TUFM: variants seen among roughly 807,000 people sequenced by gnomAD.
The protein encoded by TUFM is Tu translation elongation factor, mitochondrial.
Under a neutral mutation model 45.0 loss-of-function variants are expected in TUFM, and 23 were observed. The observed-to-expected ratio is 0.51, with a 90% confidence interval of 0.37 to 0.72. The LOEUF is 0.72. Ranked by LOEUF, TUFM falls within the 30% of genes least tolerant of loss-of-function variation. The probability of loss-of-function intolerance (pLI) is 0.00; values close to 1 mark genes in which losing one functional copy is unlikely to be tolerated. For missense variants in TUFM, 490 were observed against 610.7 expected (o/e 0.80, Z 2.08); for synonymous variants, 243 against 252.9 (o/e 0.96, Z 0.37).
chr16:28,843,061 G>A lies in TUFM; in HGVS notation c.1282C>T (p.Arg428Ter), dbSNP rs1231538511. 2.5e-6 allele frequency: 4 copies of A among 1,614,076 alleles called. No homozygotes were observed. The highest frequency in any genetic ancestry group is 3.4e-6 in the Non-Finnish European group (4 of 1,180,036). ...ILEKGQRFTL[R>*]DGNRTIGTGL... ...GTGCCAATAGTCCGGTTGCCATCTC[G>A]CAGGGTGAAACGCTGGCCTTTCTCT... is the stretch of plus-strand genomic sequence containing the variant. Residue 428 changes from arginine (R) to a stop codon, truncating the protein, a stop_gained, in exon 10 of 10, where the codon CGA (arginine) becomes TGA (stop). Transcript: ENST00000313511. LOFTEE classifies it high-confidence loss of function.
intron 2 of TUFM, 23 bp downstream of exon 2, chr16:28,845,889 C>A (rs1488616955): frequency 6.2e-7 from 1 of 1,612,630 alleles, no homozygotes; most frequent in Admixed American, 1.7e-5. Flanking sequence ...TAGGGCGCTG[C>A]TGGACGCCCC....
Position 28,844,774 on chromosome 16 carries a change from C to T in TUFM, c.608G>A (p.Arg203Gln), listed in dbSNP as rs776178334. ...ATAGCCAAACTCGGTGAGCAGCTCCCGGATCTCCAGTTCCACCAGTTCCAC... is the reference window on the plus strand; with the variant it reads ...ATAGCCAAACTCGGTGAGCAGCTCCTGGATCTCCAGTTCCACCAGTTCCAC... ...EMVELVELEI[R>Q]ELLTEFGYKG... Residue 203 changes from arginine (R) to glutamine (Q), a missense_variant, in exon 5 of 10, where the codon CGG becomes CAG. Transcript: ENST00000313511. This position sits in a 1 kb window ranked among gnomAD's most constrained non-coding sequence, Gnocchi z 5.8. 9.3e-6 allele frequency: 15 copies of T among 1,614,068 alleles called. No individual in the cohort carries two copies. The highest frequency in any genetic ancestry group is 8.3e-5 in the Admixed American group (5 of 60,002).
At position 28,844,105 on chromosome 16, in the gene TUFM, G is replaced by C. The variant is rs879238490; in HGVS notation, c.923-4C>G. 2 of 1,614,180 alleles carry C rather than the reference G, an allele frequency of 1.2e-6. No individual in the cohort carries two copies. The highest frequency in any genetic ancestry group is 1.7e-6 in the Non-Finnish European group (2 of 1,180,036). ...CTCTTGTGGAACATCTCAATGCCTA[G>C]GACGGAAAGGGAAAAGGAGCAGGGA... On this transcript the variant is annotated splice_region_variant and splice_polypyrimidine_tract_variant and intron_variant, in intron 7 of 9. Transcript: ENST00000313511. The surrounding 1 kb of genome is among the most constrained non-coding windows in gnomAD (Gnocchi z 5.8).
Position 28,843,827 on chromosome 16 carries a change from C to A in TUFM, c.1103G>T (p.Gly368Val). 6.2e-7 allele frequency: 1 copy of A among 1,614,154 alleles called. No homozygotes were observed. The highest frequency in any genetic ancestry group is 1.7e-4 in the Middle Eastern group (1 of 6,040). ...QVYILSKEEG[G>V]RHKPFVSHFM... ...GTGGGACACAAAGGGCTTGTGGCGG[C>A]CACCTTCCTCCTTGCTGAGGATGTA... Residue 368 changes from glycine to valine, a missense_variant, in exon 9 of 10, where the codon GGC becomes GTC. Coordinates refer to ENST00000313511, the MANE Select transcript of TUFM (RefSeq NM_003321.5).
Position 28,844,761 on chromosome 16 carries a change from G to C in TUFM, c.621C>G (p.Thr207=), listed in dbSNP as rs771188535. ...LVELEIRELL[T]EFGYKGEETP... is the part of the protein sequence containing the mutation. ...TCTCCTCCCCTTTATAGCCAAACTCGGTGAGCAGCTCCCGGATCTCCAGTT... is the reference window on the plus strand; with the variant it reads ...TCTCCTCCCCTTTATAGCCAAACTCCGTGAGCAGCTCCCGGATCTCCAGTT... The change falls in exon 5 of 10, where the codon ACC becomes ACG. Residue 207 remains threonine, a synonymous_variant. Coordinates refer to ENST00000313511, the MANE Select transcript of TUFM (RefSeq NM_003321.5). The surrounding 1 kb of genome is among the most constrained non-coding windows in gnomAD (Gnocchi z 5.8). 2.5e-6 allele frequency: 4 copies of C among 1,614,160 alleles called. No individual in the cohort carries two copies. Among genetic ancestry groups the C allele is most frequent in the South Asian group, 1.1e-5 (1 of 91,082 alleles).
intron 2 of TUFM, 140 bp from the exon 3 acceptor site, chr16:28,845,620 A>C (rs1032727930): frequency 6.8e-6 from 8 of 1,172,474 alleles, no homozygotes; most frequent in Non-Finnish European, 9.9e-6. Flanking sequence ...ACTGTGGGTC[A>C]GAAAGAAATG....
Position 28,844,305 on chromosome 16 carries a change from C to G in TUFM, c.847G>C (p.Glu283Gln). The G allele has an allele frequency of 1.2e-6, 2 of 1,614,180 alleles. No homozygotes were observed. Among genetic ancestry groups the G allele is most frequent in the Non-Finnish European group, 1.7e-6 (2 of 1,180,044 alleles). ...GRGTVVTGTL[E>Q]RGILKKGDEC... ...TCTCCCTTCTTTAAAATGCCACGCT[C>G]TAGTGTACCTGTCACCACGGTGCCA... The change falls in exon 7 of 10, where the codon GAG (glutamate) becomes CAG (glutamine). Residue 283 changes from glutamate to glutamine, a missense_variant. By Grantham distance (29) the Glu-to-Gln change is conservative (BLOSUM62 2). Coordinates refer to ENST00000313511, the MANE Select transcript of TUFM (RefSeq NM_003321.5). This position sits in a 1 kb window ranked among gnomAD's most constrained non-coding sequence, Gnocchi z 5.8.
intron 9 of TUFM, 117 bp from the exon 10 acceptor site, chr16:28,843,265 G>C (rs1302063800): frequency 1.8e-6 from 2 of 1,088,098 alleles, no homozygotes; most frequent in Non-Finnish European, 2.8e-6. Flanking sequence ...GAATGGTTCT[G>C]CCTGGGGACA....
Position 28,844,644 on chromosome 16 carries a change from T to A in TUFM, c.684+54A>T. ...CCCAGACACAAAGCAGAGCTCTGGG[T>A]GCCCATCCAGCCCCACCCTCTGCAG... On this transcript the variant is annotated intron_variant, in intron 5 of 9. Transcript: ENST00000313511. The surrounding 1 kb of genome is among the most constrained non-coding windows in gnomAD (Gnocchi z 5.8). 3.7e-6 allele frequency: 6 copies of A among 1,613,926 alleles called. No homozygotes were observed. The highest frequency in any genetic ancestry group is 5.1e-6 in the Non-Finnish European group (6 of 1,179,990).
chr16:28,845,513 A>G, intron 2 of TUFM, 33 bp from the exon 3 acceptor site: 1 of 1,613,792 alleles, frequency 6.2e-7, no homozygotes, highest in Non-Finnish European at 8.5e-7. Flanking sequence ...CTCTCAGCTA[A>G]AGTTCCAGTG....
At chr16:28,845,643 A>C (rs1961928557) in intron 2 of TUFM, among the ~76,000 whole-genome samples, 163 bp from the exon 3 acceptor site, 1 of 152,132 alleles carries the variant, frequency 6.6e-6, no homozygotes, top group Non-Finnish European at 1.5e-5. Flanking sequence ...AGAGGGCCTT[A>C]AGGGTCTGCC....
At position 28,842,584 on chromosome 16, in the gene TUFM, G is replaced by A. The variant is rs547344358; in HGVS notation, c.*391C>T. On this transcript the variant is annotated 3_prime_UTR_variant, in exon 10 of 10. Transcript: ENST00000313511. The stretch of plus-strand genomic sequence containing the variant: ...GCTGAAGCCATGCTGGCTCCAGAGC[G>A]ATAGAACATTCTTTCCCACTATCTC... The A allele has an allele frequency of 7.7e-5, 24 of 311,690 alleles. No individual in the cohort carries two copies. In the Admixed American group the frequency reaches 1.0e-3, roughly 14 times the overall value. The allele number at this position is 311,690 out of a possible 1,614,324, so 19.3% of individuals were successfully genotyped here.
Position 28,844,000 on chromosome 16 carries a change from C to T in TUFM, c.1024G>A (p.Val342Ile). ...LKREDLRRGL[V>I]MVKPGSIKPH... Reference sequence around the variant, plus strand: ...TTGATGGAACCTGGCTTGACCATGACCAGGCCCCGCCGCAAGTCCTCCCGC... The same window carrying T: ...TTGATGGAACCTGGCTTGACCATGATCAGGCCCCGCCGCAAGTCCTCCCGC... Residue 342 changes from valine (V) to isoleucine (I), a missense_variant, in exon 8 of 10, where the codon GTC (valine) becomes ATC (isoleucine). Physicochemically the swap from Val to Ile is conservative, Grantham distance 29. Transcript: ENST00000313511. 1.2e-6 allele frequency: 2 copies of T among 1,614,200 alleles called. No homozygotes were observed. The highest frequency in any genetic ancestry group is 1.7e-6 in the Non-Finnish European group (2 of 1,180,036).
chr16:28,845,266 A>G (rs774855134), intron 3 of TUFM, 48 bp downstream of exon 3: 2 of 1,613,344 alleles, frequency 1.2e-6, no homozygotes, highest in Admixed American at 1.7e-5. Flanking sequence ...ATTTATCCTG[A>G]CAAGAGGCAG....
rs978443922 is a variant in TUFM, at chr16:28,842,917, G to A, written c.*58C>T. The A allele has an allele frequency of 7.5e-6, 12 of 1,600,436 alleles. No individual in the cohort carries two copies. In the African/African-American group the frequency reaches 1.3e-4, roughly 18 times the overall value. Reference sequence around the variant, plus strand: ...CATGAGAGGGTACTGGAAGCAGGAGGGAGCCCTGGCTAGGGCAGGCCTTAA... The same window carrying A: ...CATGAGAGGGTACTGGAAGCAGGAGAGAGCCCTGGCTAGGGCAGGCCTTAA... On this transcript the variant is annotated 3_prime_UTR_variant, in exon 10 of 10. Transcript: ENST00000313511.
In TUFM at chr16:28,844,717, G is replaced by A. The variant is rs1051527670; in HGVS notation, c.665C>T (p.Ser222Phe). ...KGEETPVIVG[S>F]ALCALEGRDP... ...GTTCACCTCAAGGGCACAGAGAGCA[G>A]AGCCTACGATGACTGGGGTCTCCTC... is the stretch of plus-strand genomic sequence containing the variant. Residue 222 changes from serine to phenylalanine, a missense_variant, in exon 5 of 10, where the codon TCT (serine) becomes TTT (phenylalanine). Coordinates refer to ENST00000313511, the MANE Select transcript of TUFM (RefSeq NM_003321.5). The surrounding 1 kb of genome is among the most constrained non-coding windows in gnomAD (Gnocchi z 5.8). 6.2e-7 allele frequency: 1 copy of A among 1,614,216 alleles called. No individual in the cohort carries two copies. Among genetic ancestry groups the A allele is most frequent in the Non-Finnish European group, 8.5e-7 (1 of 1,180,034 alleles).
chr16:28,843,170 C>G (rs1961845011), intron 9 of TUFM, 22 bp from the exon 10 acceptor site: 15 of 1,614,036 alleles, frequency 9.3e-6, no homozygotes, highest in Non-Finnish European at 1.2e-5. Context: ...AGAGAAGGAT[C>G]ATGCGTGGCC....
rs1961875908 is a variant in TUFM at position 28,844,323 on chromosome 16, C to T, written c.829G>A (p.Val277Met). The change falls in exon 7 of 10, where the codon GTG becomes ATG. Residue 277 changes from valine (V) to methionine (M), a missense_variant. Val to Met is a conservative substitution (Grantham distance 21). Transcript: ENST00000313511. The surrounding 1 kb of genome is among the most constrained non-coding windows in gnomAD (Gnocchi z 5.8). The part of the protein sequence containing the change: ...AVYSVPGRGT[V>M]VTGTLERGIL... ...CCACGCTCTAGTGTACCTGTCACCACGGTGCCACGGCCTGGGAGGGAATAA... is the reference window on the plus strand; with the variant it reads ...CCACGCTCTAGTGTACCTGTCACCATGGTGCCACGGCCTGGGAGGGAATAA... The T allele has an allele frequency of 1.2e-6, 2 of 1,614,174 alleles. No homozygotes were observed. Among genetic ancestry groups the T allele is most frequent in the Non-Finnish European group, 1.7e-6 (2 of 1,180,036 alleles).
chr16:28,843,272 G>A, intron 9 of TUFM, 124 bp from the exon 10 acceptor site: 1 of 1,020,686 alleles, frequency 9.8e-7, no homozygotes, highest in South Asian at 1.3e-5. Flanking sequence ...TCTGCCTGGG[G>A]ACAGCTTCAT....
Sources: gnomAD v4.1 joint callset for allele counts (sites outside exome capture counted in the v4.1 genomes callset) on GRCh38, gnomAD v4.1.1 for gene constraint, Gnocchi (gnomAD v3.1) non-coding constraint, MANE v1.5 for transcripts, NCBI Gene and HGNC (gene_info 2026-07-23, HGNC 2026-07-21) for gene names.